FMR1NB: variants seen among roughly 807,000 people sequenced by gnomAD.
The protein encoded by FMR1NB is FMR1 neighbor protein.
Under a neutral mutation model 16.8 loss-of-function variants are expected in FMR1NB, and 10 were observed. That is an observed-to-expected ratio of 0.60 (90% CI 0.37 to 1.01). The LOEUF (loss-of-function observed/expected upper bound fraction) is 1.01. Ranked by LOEUF, FMR1NB falls within the 50% of genes least tolerant of loss-of-function variation. The probability of loss-of-function intolerance (pLI) is 0.01; values close to 1 mark genes in which losing one functional copy is unlikely to be tolerated. For missense variants in FMR1NB, 205 were observed against 204.8 expected (o/e 1.00, Z 0.00); for synonymous variants, 83 against 79.1 (o/e 1.05, Z -0.26).
chrX:148,006,596 C>A, intron 2 of FMR1NB, 106 bp from the exon 3 acceptor site: 1 of 847,853 alleles, frequency 1.2e-6, no homozygotes, highest in African/African-American at 2.0e-5. Context: ...GCTGTATATG[C>A]CATTAAATGT....
chrX:147,998,306 G>A (rs1459789871), intron 1 of FMR1NB, among the ~76,000 whole-genome samples: 1 of 112,059 alleles, frequency 8.9e-6, no homozygotes, highest in Non-Finnish European at 1.9e-5. Context: ...CCTTTGCAGG[G>A]ACATGGATGA....
chrX:148,008,678 T>C lies in FMR1NB; in HGVS notation c.599T>C (p.Leu200Pro). 8.3e-7 allele frequency: 1 copy of C among 1,211,953 alleles called. No homozygotes were observed. The highest frequency in any genetic ancestry group is 3.0e-5 in the East Asian group (1 of 33,850). ...GCGATCAGCCTTATCCTGGTATGTC[T>C]GCCCATTTATTGCCGCTCTCTTTTC... is the stretch of plus-strand genomic sequence containing the variant. ...LGAISLILVC[L>P]PIYCRSLFWR... Residue 200 changes from leucine (L) to proline (P), a missense_variant, in exon 4 of 6, where the codon CTG becomes CCG. Leu to Pro is a moderately conservative substitution (Grantham distance 98). Coordinates refer to ENST00000370467, the MANE Select transcript of FMR1NB (RefSeq NM_152578.3).
chrX:148,013,138 A>G, intron 4 of FMR1NB, among the ~76,000 whole-genome samples: 1 of 111,680 alleles, frequency 9.0e-6, no homozygotes, highest in East Asian at 2.8e-4. Flanking sequence ...GTTCATGGTA[A>G]TTTAATTACT....
At chrX:148,010,967 A>G (rs1393455965) in intron 4 of FMR1NB, among the ~76,000 whole-genome samples, 1 of 111,444 alleles carries the variant, frequency 9.0e-6, no homozygotes, top group Non-Finnish European at 1.9e-5. Flanking sequence ...TTTAAGGATC[A>G]CCTAAGGAGC....
chrX:148,012,516 A>G (rs1231845517), intron 4 of FMR1NB, among the ~76,000 whole-genome samples: 1 of 112,048 alleles, frequency 8.9e-6, no homozygotes, highest in Admixed American at 9.5e-5. Context: ...TGAAAATGAC[A>G]AAACTGTGTT....
intron 1 of FMR1NB, among the ~76,000 whole-genome samples, chrX:147,994,696 G>A (rs930020006): frequency 8.9e-5 from 10 of 112,137 alleles, no homozygotes; most frequent in African/African-American, 3.2e-4. Flanking sequence ...AATTCAGTGT[G>A]ATTTCTTTAT....
At chrX:148,009,296 C>A (rs2044612307) in intron 4 of FMR1NB, among the ~76,000 whole-genome samples, 1 of 111,528 alleles carries the variant, frequency 9.0e-6, no homozygotes, top group African/African-American at 3.3e-5. Flanking sequence ...AATAAATTAG[C>A]AAGCTTGGTG....
At chrX:148,006,481 CA>C (rs1297350320) in intron 2 of FMR1NB, among the ~76,000 whole-genome samples, 1 of 112,256 alleles carries the variant, frequency 8.9e-6, no homozygotes, top group Non-Finnish European at 1.9e-5. Context: ...GATTTTTTAA[CA>C]ACTTGTAATT....
chrX:148,012,814 T>TA (rs1187440407), intron 4 of FMR1NB, among the ~76,000 whole-genome samples: 1 of 111,965 alleles, frequency 8.9e-6, no homozygotes, highest in Non-Finnish European at 1.9e-5. Flanking sequence ...CCTTTGAATT[T>TA]AAAAAATAGA....
rs549169322 is a variant in FMR1NB at position 148,001,397 on chromosome X, C to T, written c.278-1804C>T. On this transcript the variant is annotated intron_variant, in intron 1 of 5. Coordinates refer to ENST00000370467, the MANE Select transcript of FMR1NB (RefSeq NM_152578.3). Reference sequence around the variant, plus strand: ...TAGAATTTTTTTTGACTTGACAAAACGATTTTAAGGTTCATCTAAAAAATT... The same window carrying T: ...TAGAATTTTTTTTGACTTGACAAAATGATTTTAAGGTTCATCTAAAAAATT... Among the ~76,000 whole-genome samples the T allele has an allele frequency of 2.7e-5, 3 of 111,596 alleles. No homozygotes were observed. The Admixed American group carries it at 2.9e-4, about 11-fold the overall frequency.
At chrX:147,991,763 G>A (rs1402065863) in intron 1 of FMR1NB, among the ~76,000 whole-genome samples, 2 of 106,003 alleles carry the variant, frequency 1.9e-5, no homozygotes, top group African/African-American at 7.0e-5. Flanking sequence ...AGATAAACAA[G>A]TGAACAAAGG....
Position 148,020,302 on chromosome X carries a change from C to T in FMR1NB, c.633-4563C>T, listed in dbSNP as rs139018800. ...TCACCACCCTTCAGGGCAGTGGGCTCCCCTCTGGCCCAGGGCAGGTCCAGA... is the reference window on the plus strand; with the variant it reads ...TCACCACCCTTCAGGGCAGTGGGCTTCCCTCTGGCCCAGGGCAGGTCCAGA... On this transcript the variant is annotated intron_variant, in intron 4 of 5. Coordinates refer to ENST00000370467, the MANE Select transcript of FMR1NB (RefSeq NM_152578.3). Among the ~76,000 whole-genome samples the T allele has an allele frequency of 9.3e-4, 104 of 111,896 alleles. 1 individual carries two copies. The East Asian group carries it at 0.011, about 12-fold the overall frequency.
intron 1 of FMR1NB, among the ~76,000 whole-genome samples, chrX:147,988,275 T>C (rs1416468470): frequency 1.8e-5 from 2 of 111,385 alleles, no homozygotes; most frequent in East Asian, 5.6e-4. Context: ...TGAAGCTTAG[T>C]TTGGCTGGAT....
intron 1 of FMR1NB, among the ~76,000 whole-genome samples, chrX:147,994,489 T>G (rs1011765708): frequency 8.0e-5 from 9 of 112,770 alleles, no homozygotes; most frequent in Non-Finnish European, 1.7e-4. Flanking sequence ...CAGGTTTATT[T>G]CTACTATTTA....
At chrX:148,004,739 T>C in intron 2 of FMR1NB, among the ~76,000 whole-genome samples, 1 of 112,584 alleles carries the variant, frequency 8.9e-6, no homozygotes, top group Admixed American at 9.4e-5. Context: ...AATGACAACC[T>C]TGATACACAC....
chrX:147,989,062 T>G (rs1273197275), intron 1 of FMR1NB, among the ~76,000 whole-genome samples: 2 of 111,881 alleles, frequency 1.8e-5, no homozygotes, highest in African/African-American at 6.5e-5. Context: ...TTGTGATCAT[T>G]TGGAGGCGAA....
At chrX:147,984,336 C>T (rs2044465922) in intron 1 of FMR1NB, among the ~76,000 whole-genome samples, 2 of 111,844 alleles carry the variant, frequency 1.8e-5, no homozygotes, top group African/African-American at 3.2e-5. Context: ...TTAGGGATTC[C>T]AATCTGTGAC....
intron 2 of FMR1NB, among the ~76,000 whole-genome samples, chrX:148,005,016 A>G (rs1235599741): frequency 8.9e-6 from 1 of 111,977 alleles, no homozygotes; most frequent in African/African-American, 3.2e-5. Flanking sequence ...CAGCCTCCTG[A>G]GTAGCTGGGA....
intron 4 of FMR1NB, among the ~76,000 whole-genome samples, chrX:148,012,718 C>T (rs1359720746): frequency 1.8e-5 from 2 of 110,902 alleles, no homozygotes; most frequent in Non-Finnish European, 1.9e-5. Flanking sequence ...TTCATTATGC[C>T]GCTAGTCTTA....
Sources: gnomAD v4.1 joint callset for allele counts (sites outside exome capture counted in the v4.1 genomes callset) on GRCh38, gnomAD v4.1.1 for gene constraint, MANE v1.5 for transcripts, NCBI Gene and HGNC (gene_info 2026-07-23, HGNC 2026-07-21) for gene names.